Variants in MYCBP2 observed in about 807,000 individuals in gnomAD.
The protein encoded by MYCBP2 is E3 ubiquitin-protein ligase MYCBP2.
In MYCBP2, 120 loss-of-function variants were observed where a neutral mutation model predicts 525.3. The observed-to-expected ratio is 0.23, with a 90% CI of 0.20 to 0.27. MYCBP2 has a LOEUF of 0.27. Ranked by LOEUF, MYCBP2 falls within the 10% of genes least tolerant of loss-of-function variation. MYCBP2 has a pLI of 1.00. For missense variants in MYCBP2, 4,149 were observed against 5,657.1 expected, an observed-to-expected ratio of 0.73 and a Z score of 8.55; for synonymous variants, 1,894 against 1,955.8, an observed-to-expected ratio of 0.97 and a Z score of 0.83.
chr13:77,229,706 A>C (rs576797526), intron 18 of MYCBP2, among the ~76,000 whole-genome samples: 1 of 152,298 alleles, frequency 6.6e-6, no homozygotes, highest in African/African-American at 2.4e-5. Flanking sequence ...TAAAATAAGA[A>C]AACTGAAGCC....
At position 77,270,075 on chromosome 13, in the gene MYCBP2, AC is replaced by A. The variant is rs747179900; in HGVS notation, c.1189-13del. 4 of 1,591,742 alleles carry A rather than the reference AC, an allele frequency of 2.5e-6. No homozygotes were observed. Among genetic ancestry groups the A allele is most frequent in the East Asian group, 2.2e-5 (1 of 44,672 alleles). On this transcript the variant is annotated splice_polypyrimidine_tract_variant and intron_variant, in intron 6 of 82. Coordinates refer to ENST00000544440, the MANE Select transcript of MYCBP2 (RefSeq NM_015057.5). ...TTGTATATATGGCCCTGCAAAAAAA[AC>A]AAAAGTTAGTATATCAGTGGTTTCA... is the stretch of plus-strand genomic sequence containing the variant.
Position 77,217,915 on chromosome 13 carries a change from T to G in MYCBP2, c.2982A>C (p.Thr994=). ...TATGGTTGCTGCCTGCAGTGACTTG[T>G]GTGCTAGGGCCTGGCAATGCTTGAA... is the stretch of plus-strand genomic sequence containing the variant. ...TLVQALPGPS[T]QVTAGSNHTA... Residue 994 remains threonine (T), a synonymous_variant, in exon 21 of 83, where the codon ACA becomes ACC. Coordinates refer to ENST00000544440, the MANE Select transcript of MYCBP2 (RefSeq NM_015057.5). 3.7e-6 allele frequency: 6 copies of G among 1,611,566 alleles called. No individual in the cohort carries two copies. The highest frequency in any genetic ancestry group is 5.1e-6 in the Non-Finnish European group (6 of 1,178,828).
Position 77,239,795 on chromosome 13 carries a change from TGAAA to T in MYCBP2, c.2629+3260_2629+3263del, listed in dbSNP as rs1479776985. On this transcript the variant is annotated intron_variant, in intron 17 of 82. Coordinates refer to ENST00000544440, the MANE Select transcript of MYCBP2 (RefSeq NM_015057.5). ...AGAAAGTAATGAAAAGCACAGCACC[TGAAA>T]GAGAGTCCTCCATCCAATTAAAATA... 3.3e-5 allele frequency among the ~76,000 whole-genome samples: 5 copies of T among 152,262 alleles called. No individual in the cohort carries two copies. In the South Asian group the frequency reaches 1.0e-3, roughly 32 times the overall value.
chr13:77,061,999 G>A (rs539792273), intron 74 of MYCBP2, among the ~76,000 whole-genome samples: 1 of 152,292 alleles, frequency 6.6e-6, no homozygotes, highest in Admixed American at 6.5e-5. Flanking sequence ...TGCTTTGCAG[G>A]TTCAATGATT....
intron 1 of MYCBP2, among the ~76,000 whole-genome samples, chr13:77,322,924 GAA>G (rs914369858): frequency 6.6e-6 from 1 of 152,132 alleles, no homozygotes; most frequent in African/African-American, 2.4e-5. Flanking sequence ...CTGGATAAAT[GAA>G]AGAGTTATTC....
intron 1 of MYCBP2, among the ~76,000 whole-genome samples, chr13:77,320,667 T>C (rs1350907586): frequency 2.6e-5 from 4 of 152,072 alleles, no homozygotes; most frequent in African/African-American, 7.3e-5. Context: ...ATCTAGTAGG[T>C]ACCGTCTTAC....
intron 18 of MYCBP2, among the ~76,000 whole-genome samples, chr13:77,229,874 G>A (rs1184872060): frequency 2.0e-5 from 3 of 152,074 alleles, no homozygotes; most frequent in Admixed American, 1.3e-4. Context: ...GTTTATCAGT[G>A]TGCCTTCAGA....
At chr13:77,047,842 A>G (rs2035894324) in intron 82 of MYCBP2, among the ~76,000 whole-genome samples, 1 of 152,120 alleles carries the variant, frequency 6.6e-6, no homozygotes, top group South Asian at 2.1e-4. Flanking sequence ...GCTGCGGGCC[A>G]AGACAGCCCA....
chr13:77,234,308 A>C (rs1235479428), intron 17 of MYCBP2, among the ~76,000 whole-genome samples: 2 of 151,954 alleles, frequency 1.3e-5, no homozygotes, highest in Non-Finnish European at 2.9e-5. Context: ...TTATGACACT[A>C]TATAAGCACT....
intron 55 of MYCBP2, chr13:77,118,665 C>A (rs9544421): frequency 8.6e-6 from 4 of 465,194 alleles, no homozygotes; most frequent in South Asian, 4.2e-5. Context: ...GATTAGGGAC[C>A]GAATTTTGCA....
intron 68 of MYCBP2, among the ~76,000 whole-genome samples, chr13:77,074,904 ATG>A (rs1404711172): frequency 6.6e-6 from 1 of 152,134 alleles, no homozygotes; most frequent in Non-Finnish European, 1.5e-5. Context: ...TTGGGGAGTG[ATG>A]TGTTTTAAAA....
At chr13:77,278,255 C>T (rs1021234304) in intron 4 of MYCBP2, among the ~76,000 whole-genome samples, 1 of 151,998 alleles carries the variant, frequency 6.6e-6, no homozygotes, top group African/African-American at 2.4e-5. Flanking sequence ...GCTATTTTGG[C>T]CAAAAGTTTA....
chr13:77,213,854 C>T (rs2064395214), intron 21 of MYCBP2, among the ~76,000 whole-genome samples: 3 of 152,202 alleles, frequency 2.0e-5, no homozygotes, highest in Admixed American at 1.3e-4. Context: ...TGGAAGGAGA[C>T]AGCGGGTGTC....
chr13:77,194,631 C>T (rs1048511638), intron 26 of MYCBP2, among the ~76,000 whole-genome samples: 2 of 152,040 alleles, frequency 1.3e-5, no homozygotes, highest in African/African-American at 4.8e-5. Flanking sequence ...TAGAATGTTG[C>T]TTCATCACTT....
Position 77,171,557 on chromosome 13 carries a change from A to G in MYCBP2, c.5729T>C (p.Leu1910Ser). ...TCGAACGACAGTGCTTACAACAGAC[A>G]ATGCTCTGCTACAGTTTTTATCTTC... ...NEEDKNCSRA[L>S]SVVSTVVRAS... The change falls in exon 38 of 83, where the codon TTG (leucine) becomes TCG (serine). Residue 1910 changes from leucine (L) to serine (S), a missense_variant. Coordinates refer to ENST00000544440, the MANE Select transcript of MYCBP2 (RefSeq NM_015057.5). The G allele has an allele frequency of 6.2e-7, 1 of 1,614,150 alleles. No individual in the cohort carries two copies. Among genetic ancestry groups the G allele is most frequent in the Non-Finnish European group, 8.5e-7 (1 of 1,179,982 alleles).
intron 55 of MYCBP2, among the ~76,000 whole-genome samples, chr13:77,112,900 G>T (rs1453388222): frequency 1.3e-5 from 2 of 151,980 alleles, no homozygotes; most frequent in African/African-American, 2.4e-5. Flanking sequence ...TCCAGATCTT[G>T]TATCTTCTCT....
intron 26 of MYCBP2, among the ~76,000 whole-genome samples, chr13:77,196,193 G>T (rs1472909505): frequency 6.6e-6 from 1 of 152,198 alleles, no homozygotes; most frequent in East Asian, 1.9e-4. Flanking sequence ...ATTTGACTGT[G>T]CCTGGAATGT....
At chr13:77,297,142 G>C (rs2078276413) in intron 1 of MYCBP2, among the ~76,000 whole-genome samples, 1 of 152,100 alleles carries the variant, frequency 6.6e-6, no homozygotes. Flanking sequence ...AGCCAGTCTG[G>C]ATACTTCATT....
chr13:77,082,670 A>C (rs536914887), intron 63 of MYCBP2, among the ~76,000 whole-genome samples: 2 of 152,226 alleles, frequency 1.3e-5, no homozygotes, highest in South Asian at 4.2e-4. Flanking sequence ...GTTTTCCCCA[A>C]GATTCTTTTC....
Sources: gnomAD v4.1 joint callset for allele counts (sites outside exome capture counted in the v4.1 genomes callset) on GRCh38, gnomAD v4.1.1 for gene constraint, MANE v1.5 for transcripts, NCBI Gene and HGNC (gene_info 2026-07-23, HGNC 2026-07-21) for gene names.